The following PEMT variants were observed in gnomAD, a reference collection of about 807,000 sequenced individuals.
The protein encoded by PEMT is phospholipid methyltransferase.
Under a neutral mutation model 27.4 loss-of-function variants are expected in PEMT, and 23 were observed. That is an observed-to-expected ratio of 0.84 (90% CI 0.60 to 1.19). The LOEUF (loss-of-function observed/expected upper bound fraction) is 1.19. PEMT is among the 50% of genes most tolerant of loss of function. PEMT has a pLI of 0.00. For missense variants in PEMT, 307 were observed against 310.1 expected (o/e 0.99, Z 0.07); for synonymous variants, 137 against 139.1 (o/e 0.98, Z 0.11).
At chr17:17,547,077 C>A (rs1463235875) in intron 2 of PEMT, among the ~76,000 whole-genome samples, 1 of 152,242 alleles carries the variant, frequency 6.6e-6, no homozygotes, top group African/African-American at 2.4e-5. Context: ...CTGGGGGGCA[C>A]CCAATGTTCC....
chr17:17,541,476 G>T (rs73978969), intron 2 of PEMT, among the ~76,000 whole-genome samples: 20,388 of 152,194 alleles, frequency 0.13, 2,458 homozygotes, highest in African/African-American at 0.32. Context: ...CAAGACCACC[G>T]GCCGCAGCAG....
intron 2 of PEMT, among the ~76,000 whole-genome samples, chr17:17,545,492 A>C (rs1597913874): frequency 1.3e-5 from 2 of 152,144 alleles, no homozygotes; most frequent in Non-Finnish European, 2.9e-5. Context: ...CCCCAGGGCC[A>C]TTCCTATGGG....
At chr17:17,572,850 T>A (rs1911301260) in intron 2 of PEMT, among the ~76,000 whole-genome samples, 1 of 152,210 alleles carries the variant, frequency 6.6e-6, no homozygotes, top group Non-Finnish European at 1.5e-5. Context: ...CACCTGAGCA[T>A]GAGTCCCGCC....
chr17:17,526,962 T>C (rs1907713905), intron 2 of PEMT, among the ~76,000 whole-genome samples: 1 of 152,214 alleles, frequency 6.6e-6, no homozygotes, highest in Non-Finnish European at 1.5e-5. Flanking sequence ...ACAAGACCCT[T>C]TCCTAGAGAC....
chr17:17,524,672 C>T (rs73294361), intron 2 of PEMT, among the ~76,000 whole-genome samples: 2,199 of 151,848 alleles, frequency 0.014, 65 homozygotes, highest in African/African-American at 0.051. Flanking sequence ...GTTGAGGATG[C>T]AGTAAGCCAA....
intron 2 of PEMT, among the ~76,000 whole-genome samples, chr17:17,573,355 T>C (rs969613030): frequency 1.3e-5 from 2 of 150,590 alleles, no homozygotes; most frequent in African/African-American, 2.4e-5. Flanking sequence ...TAATCCCAGC[T>C]ACTTGGGAGG....
intron 2 of PEMT, among the ~76,000 whole-genome samples, chr17:17,549,761 T>C (rs1170625866): frequency 6.6e-6 from 1 of 152,250 alleles, no homozygotes; most frequent in Non-Finnish European, 1.5e-5. Context: ...ACCATAGCTG[T>C]GACAATCTGT....
chr17:17,505,952 C>T lies in PEMT; in HGVS notation c.654-104G>A, dbSNP rs1046609059. The stretch of plus-strand genomic sequence containing the variant: ...CAGCTTGAGGGTGTCCAGATGGGAC[C>T]GGGATCCCCTTCATCCCCCAGAGCC... On this transcript the variant is annotated intron_variant, in intron 6 of 6. Transcript: ENST00000255389. 27 of 1,435,672 alleles carry T rather than the reference C, an allele frequency of 1.9e-5. No individual in the cohort carries two copies. The East Asian group carries it at 2.8e-4, about 15-fold the overall frequency. 88.9% of individuals were successfully genotyped at this position (1,435,672 alleles called of 1,614,324 possible). A position where few individuals can be genotyped will look rare whatever the true frequency, so the allele number is the denominator to read the frequency against.
chr17:17,539,627 CTG>C (rs998004747), intron 2 of PEMT, among the ~76,000 whole-genome samples: 2 of 152,198 alleles, frequency 1.3e-5, no homozygotes, highest in Admixed American at 6.5e-5. Context: ...TACTGTGTAA[CTG>C]TGTATTTTCA....
At chr17:17,564,312 G>C (rs112316021) in intron 2 of PEMT, among the ~76,000 whole-genome samples, 48 of 152,196 alleles carry the variant, frequency 3.2e-4, no homozygotes, top group East Asian at 1.7e-3. Flanking sequence ...GGGCTTGGGT[G>C]GGGGGCTGCC....
At chr17:17,533,036 C>CA (rs958003227) in intron 2 of PEMT, among the ~76,000 whole-genome samples, 2 of 152,138 alleles carry the variant, frequency 1.3e-5, no homozygotes, top group African/African-American at 2.4e-5. Flanking sequence ...CAAAAAAACA[C>CA]AAAAAAACAA....
At chr17:17,548,689 C>T (rs1299352117) in intron 2 of PEMT, among the ~76,000 whole-genome samples, 3 of 152,184 alleles carry the variant, frequency 2.0e-5, no homozygotes, top group African/African-American at 7.2e-5. Context: ...GCTGGGATTA[C>T]AGGCATGCAC....
intron 2 of PEMT, among the ~76,000 whole-genome samples, chr17:17,564,442 C>T (rs1480741407): frequency 6.6e-6 from 1 of 152,090 alleles, no homozygotes; most frequent in Non-Finnish European, 1.5e-5. Flanking sequence ...GATAATTTAC[C>T]TCCTTTGATT....
At chr17:17,569,999 G>A (rs1451386901) in intron 2 of PEMT, among the ~76,000 whole-genome samples, 5 of 152,198 alleles carry the variant, frequency 3.3e-5, no homozygotes, top group Non-Finnish European at 7.3e-5. Flanking sequence ...TCACAGAGTC[G>A]GGGTGTGCAT....
At chr17:17,514,214 T>C (rs1477594455) in intron 3 of PEMT, among the ~76,000 whole-genome samples, 17 of 152,252 alleles carry the variant, frequency 1.1e-4, no homozygotes, top group Admixed American at 1.0e-3. Context: ...AAACTCCTTA[T>C]GCTGAGCTAA....
chr17:17,569,774 A>T (rs768419682), intron 2 of PEMT, among the ~76,000 whole-genome samples: 2 of 152,230 alleles, frequency 1.3e-5, no homozygotes, highest in Non-Finnish European at 2.9e-5. Flanking sequence ...AAGCATGTGC[A>T]CACTTTGCTC....
rs144560685 is a variant in PEMT, at chr17:17,591,570, A to G, written c.57T>C (p.Pro19=). ...TATTGCCGAGGCCTCCGCAGCAGTC[A>G]GGCCCTGCCACCGAGCTGTTCGTTA... The part of the protein sequence containing the change: ...AEVTNSSVAG[P]DCCGGLGNID... The change falls in exon 1 of 7, where the codon CCT becomes CCC. Residue 19 remains proline (P), a synonymous_variant. Coordinates refer to ENST00000255389, the MANE Select transcript of PEMT (RefSeq NM_148172.3). 1,154 of 1,613,788 alleles carry G rather than the reference A, an allele frequency of 7.2e-4. 1 individual carries two copies. The highest frequency in any genetic ancestry group is 1.3e-3 in the Middle Eastern group (8 of 6,058).
At chr17:17,581,539 A>G (rs956476843) in intron 1 of PEMT, among the ~76,000 whole-genome samples, 1 of 152,216 alleles carries the variant, frequency 6.6e-6, no homozygotes, top group African/African-American at 2.4e-5. Flanking sequence ...AGCAAGAAAT[A>G]TGCTTTTTTC....
chr17:17,523,959 T>C lies in PEMT; in HGVS notation c.205-1564A>G, dbSNP rs1023600030. Among the ~76,000 whole-genome samples the C allele has an allele frequency of 1.3e-5, 2 of 152,194 alleles. No individual in the cohort carries two copies. Among genetic ancestry groups the C allele is most frequent in the Admixed American group, 6.5e-5 (1 of 15,278 alleles). On this transcript the variant is annotated intron_variant, in intron 2 of 6. Transcript: ENST00000255389. The surrounding 1 kb of genome is among the most constrained non-coding windows in gnomAD (Gnocchi z 4.8). ...GGCCCCTGGCAACCACTCATCGCTT[T>C]CCGTTGCTATGGATTCACCTATTCT... is the stretch of plus-strand genomic sequence containing the variant.
Sources: gnomAD v4.1 joint callset for allele counts (sites outside exome capture counted in the v4.1 genomes callset) on GRCh38, gnomAD v4.1.1 for gene constraint, Gnocchi (gnomAD v3.1) non-coding constraint, MANE v1.5 for transcripts, NCBI Gene and HGNC (gene_info 2026-07-23, HGNC 2026-07-21) for gene names.